VANGL1: variants seen among roughly 807,000 people sequenced by gnomAD.
VANGL1 encodes the protein vang-like protein 1.
VANGL1 carries 18 observed loss-of-function variants against 48.4 expected under a neutral mutation model. The ratio of observed to expected loss-of-function variants is 0.37; its 90% confidence interval spans 0.26 to 0.55. VANGL1 has a LOEUF of 0.55. Ranked by LOEUF, VANGL1 falls within the 20% of genes least tolerant of loss-of-function variation. The pLI is 0.81. For synonymous variants in VANGL1, 257 were observed against 261.8 expected (o/e 0.98, Z 0.18); for missense variants, 667 against 675.8 (o/e 0.99, Z 0.14).
chr1:115,687,535 A>G (rs575309395), intron 7 of VANGL1, among the ~76,000 whole-genome samples: 1 of 138,974 alleles, frequency 7.2e-6, no homozygotes, highest in Non-Finnish European at 1.6e-5. Context: ...TTGGTATAGA[A>G]ATCCAAACAT....
rs1272220258 is a variant in VANGL1, at chr1:115,692,878, A to G, written c.*1499A>G. On this transcript the variant is annotated 3_prime_UTR_variant, in exon 8 of 8. Transcript: ENST00000355485. The stretch of plus-strand genomic sequence containing the variant: ...TGCTTTTTCCAGTATTTCGGTAATC[A>G]GCCATCTTGCTGTAGTACAGGATGA... The G allele has an allele frequency of 6.6e-6, 1 of 152,268 alleles. No individual in the cohort carries two copies. Among genetic ancestry groups the G allele is most frequent in the Non-Finnish European group, 1.5e-5 (1 of 68,086 alleles). 9.4% of individuals were successfully genotyped at this position (152,268 alleles called of 1,614,324 possible). A position where few individuals can be genotyped will look rare whatever the true frequency, so the allele number is the denominator to read the frequency against.
intron 1 of VANGL1, among the ~76,000 whole-genome samples, chr1:115,650,502 TC>T (rs1270644286): frequency 2.0e-5 from 3 of 152,230 alleles, no homozygotes; most frequent in Admixed American, 1.3e-4. Flanking sequence ...TTTCTGTGTC[TC>T]CTTTTAAAAA....
At chr1:115,681,472 T>C (rs1653379784) in intron 4 of VANGL1, among the ~76,000 whole-genome samples, 1 of 150,380 alleles carries the variant, frequency 6.6e-6, no homozygotes, top group South Asian at 2.1e-4. Flanking sequence ...AAAGATCAAG[T>C]GGTCTCAGCG....
chr1:115,656,236 G>A (rs908539408), intron 2 of VANGL1, among the ~76,000 whole-genome samples: 4 of 152,096 alleles, frequency 2.6e-5, no homozygotes, highest in Admixed American at 6.5e-5. Flanking sequence ...TTAATAAAGC[G>A]GTGCTGTGTA....
intron 2 of VANGL1, among the ~76,000 whole-genome samples, chr1:115,658,237 G>A (rs529576256): frequency 6.6e-6 from 1 of 152,300 alleles, no homozygotes; most frequent in Non-Finnish European, 1.5e-5. Context: ...TGATAAGGTC[G>A]AAGTTTGACA....
chr1:115,666,740 C>G (rs1283250805), intron 4 of VANGL1, among the ~76,000 whole-genome samples: 1 of 152,152 alleles, frequency 6.6e-6, no homozygotes, highest in Non-Finnish European at 1.5e-5. Context: ...ATAAGGCCCC[C>G]TTTGTCCCTC....
At chr1:115,670,232 C>T in intron 4 of VANGL1, among the ~76,000 whole-genome samples, 1 of 152,182 alleles carries the variant, frequency 6.6e-6, no homozygotes, top group East Asian at 1.9e-4. Context: ...GACCCCCAAC[C>T]TCCAGAACTG....
chr1:115,655,594 C>G (rs965847705), intron 2 of VANGL1, among the ~76,000 whole-genome samples: 1 of 152,176 alleles, frequency 6.6e-6, no homozygotes, highest in Non-Finnish European at 1.5e-5. Flanking sequence ...AGCCACCCAG[C>G]AAAGGCACAG....
chr1:115,655,134 C>A (rs1489395058), intron 2 of VANGL1, among the ~76,000 whole-genome samples: 1 of 152,178 alleles, frequency 6.6e-6, no homozygotes, highest in Non-Finnish European at 1.5e-5. Flanking sequence ...CTACCCCAGC[C>A]ATAGCCAAGA....
Position 115,694,966 on chromosome 1 carries a change from C to T in VANGL1, c.*3587C>T, listed in dbSNP as rs1424560755. The stretch of plus-strand genomic sequence containing the variant: ...TTAATAACCCTGTGTTTTGAGAGGT[C>T]GCTCTAAACCAGTGACTTTTCCCTC... On this transcript the variant is annotated 3_prime_UTR_variant, in exon 8 of 8. Coordinates refer to ENST00000355485, the MANE Select transcript of VANGL1 (RefSeq NM_138959.3). 1.3e-5 allele frequency: 2 copies of T among 152,120 alleles called. No individual in the cohort carries two copies. Among genetic ancestry groups the T allele is most frequent in the East Asian group, 3.9e-4 (2 of 5,194 alleles). 9.4% of individuals were successfully genotyped at this position (152,120 alleles called of 1,614,324 possible). A position where few individuals can be genotyped will look rare whatever the true frequency, so the allele number is the denominator to read the frequency against.
intron 4 of VANGL1, among the ~76,000 whole-genome samples, chr1:115,678,397 GA>G (rs1189604591): frequency 6.6e-6 from 1 of 152,204 alleles, no homozygotes; most frequent in Non-Finnish European, 1.5e-5. Context: ...CCGGGGCTAT[GA>G]CTGAGGCCAT....
In VANGL1 at chr1:115,691,322, CATAG is replaced by C; in HGVS notation, c.1520_1523del (p.Ile507ThrfsTer46). The C allele has an allele frequency of 6.2e-7, 1 of 1,614,116 alleles. No individual in the cohort carries two copies. The highest frequency in any genetic ancestry group is 8.5e-7 in the Non-Finnish European group (1 of 1,180,048). ...CATTCATCATACTCTCTGAAGAGTT[CATAG>C]ACCCCAAATCTCACAAATTTGTCCT... On this transcript the variant is annotated frameshift_variant, in exon 8 of 8. Coordinates refer to ENST00000355485, the MANE Select transcript of VANGL1 (RefSeq NM_138959.3). LOFTEE classifies it high-confidence loss of function.
intron 4 of VANGL1, among the ~76,000 whole-genome samples, chr1:115,672,423 G>A (rs894590942): frequency 6.6e-5 from 10 of 152,170 alleles, no homozygotes; most frequent in East Asian, 5.8e-4. Flanking sequence ...CGAGGCACGA[G>A]TGAATCCAGG....
In VANGL1 at chr1:115,662,826, G is replaced by T. The variant is rs895237916; in HGVS notation, c.205-835G>T. Among the ~76,000 whole-genome samples, 88 of 148,392 alleles carry T rather than the reference G, an allele frequency of 5.9e-4. 1 individual carries two copies. The highest frequency in any genetic ancestry group is 1.0e-4 in the Non-Finnish European group (7 of 67,544). ...TTTTGAGACGGAGTCTCACTCTGTAGCCCAGGCTGGAGTACAGTGGCACGA... is the reference window on the plus strand; with the variant it reads ...TTTTGAGACGGAGTCTCACTCTGTATCCCAGGCTGGAGTACAGTGGCACGA... On this transcript the variant is annotated intron_variant, in intron 3 of 7. Coordinates refer to ENST00000355485, the MANE Select transcript of VANGL1 (RefSeq NM_138959.3).
intron 7 of VANGL1, among the ~76,000 whole-genome samples, chr1:115,688,034 A>G (rs1653701091): frequency 7.6e-6 from 1 of 130,756 alleles, no homozygotes; most frequent in African/African-American, 2.9e-5. Flanking sequence ...ATATACATAG[A>G]TAGATAGATA....
intron 1 of VANGL1, among the ~76,000 whole-genome samples, chr1:115,647,308 C>A (rs1282161610): frequency 2.0e-5 from 3 of 152,092 alleles, no homozygotes; most frequent in Non-Finnish European, 4.4e-5. Flanking sequence ...ACCCTGGGAA[C>A]CTGATTCCTT....
intron 7 of VANGL1, among the ~76,000 whole-genome samples, chr1:115,689,046 C>A (rs1292147286): frequency 1.5e-5 from 2 of 137,360 alleles, no homozygotes; most frequent in Non-Finnish European, 3.2e-5. Flanking sequence ...CTGCTTCAAC[C>A]TCCCAAAGTT....
intron 1 of VANGL1, among the ~76,000 whole-genome samples, chr1:115,646,120 G>A (rs1651903692): frequency 6.6e-6 from 1 of 152,166 alleles, no homozygotes; most frequent in Non-Finnish European, 1.5e-5. Context: ...GACTTTAGGA[G>A]AGAATTCTGT....
At chr1:115,668,449 C>T (rs963272136) in intron 4 of VANGL1, among the ~76,000 whole-genome samples, 1 of 152,196 alleles carries the variant, frequency 6.6e-6, no homozygotes, top group Non-Finnish European at 1.5e-5. Context: ...GTTGACAAAG[C>T]CTGGTCCTTA....
Sources: gnomAD v4.1 joint callset for allele counts (sites outside exome capture counted in the v4.1 genomes callset) on GRCh38, gnomAD v4.1.1 for gene constraint, MANE v1.5 for transcripts, NCBI Gene and HGNC (gene_info 2026-07-23, HGNC 2026-07-21) for gene names.